The following GMDS variants were observed in gnomAD, a reference collection of about 807,000 sequenced individuals.
The protein encoded by GMDS is GDP-mannose 4,6-dehydratase.
In GMDS, 20 loss-of-function variants were observed where a neutral mutation model predicts 49.9. The observed-to-expected ratio is 0.40, with a 90% CI of 0.28 to 0.58. The LOEUF (loss-of-function observed/expected upper bound fraction) is 0.58. Among genes scored for constraint, GMDS ranks in the 20% least tolerant of loss-of-function variants. GMDS has a pLI of 0.42. For missense variants in GMDS, 362 were observed against 481.4 expected, an observed-to-expected ratio of 0.75 and a Z score of 2.32; for synonymous variants, 177 against 178.6, an observed-to-expected ratio of 0.99 and a Z score of 0.07.
chr6:1,884,028 T>C (rs942603126), intron 7 of GMDS, among the ~76,000 whole-genome samples: 2 of 152,198 alleles, frequency 1.3e-5, no homozygotes, highest in African/African-American at 2.4e-5. Flanking sequence ...CTAGTAAAGA[T>C]TTTGATTTAA....
At chr6:1,917,346 A>G (rs1428337506) in intron 7 of GMDS, among the ~76,000 whole-genome samples, 2 of 152,242 alleles carry the variant, frequency 1.3e-5, no homozygotes, top group Non-Finnish European at 2.9e-5. Flanking sequence ...ACTGCCTGAT[A>G]CCAAGAGAAG....
At chr6:2,225,637 G>GATGATC (rs1780781916) in intron 1 of GMDS, among the ~76,000 whole-genome samples, 1 of 152,174 alleles carries the variant, frequency 6.6e-6, no homozygotes, top group Non-Finnish European at 1.5e-5. Context: ...AACCAACACA[G>GATGATC]ATGATCAATA....
At chr6:1,850,280 C>T (rs1410363429) in intron 7 of GMDS, among the ~76,000 whole-genome samples, 2 of 152,214 alleles carry the variant, frequency 1.3e-5, no homozygotes, top group African/African-American at 4.8e-5. Flanking sequence ...GTCTATTACC[C>T]AGGTTCTGCT....
chr6:1,904,127 G>A lies in GMDS; in HGVS notation c.771+25976C>T, dbSNP rs188070640. 2.2e-4 allele frequency among the ~76,000 whole-genome samples: 33 copies of A among 152,250 alleles called. No individual in the cohort carries two copies. The East Asian group carries it at 5.2e-3, about 24-fold the overall frequency. On this transcript the variant is annotated intron_variant, in intron 7 of 10. Transcript: ENST00000380815. ...AGGCCCTCCAGACTTCCAGGGGCAC[G>A]GGACAAGCGGTTCAGAAGAGAATGG...
chr6:1,802,452 A>C (rs1048734433), intron 7 of GMDS, among the ~76,000 whole-genome samples: 2 of 152,268 alleles, frequency 1.3e-5, no homozygotes, highest in Admixed American at 6.5e-5. Context: ...TTTAGGTCTA[A>C]AAGATTTTCC....
At chr6:1,670,020 G>A (rs550862276) in intron 9 of GMDS, among the ~76,000 whole-genome samples, 2 of 152,098 alleles carry the variant, frequency 1.3e-5, no homozygotes, top group South Asian at 4.1e-4. Flanking sequence ...GGTCGGGAGG[G>A]GCTGGGTGGG....
intron 4 of GMDS, among the ~76,000 whole-genome samples, chr6:2,077,779 G>A (rs1772433147): frequency 6.6e-6 from 1 of 151,986 alleles, no homozygotes; most frequent in Non-Finnish European, 1.5e-5. Flanking sequence ...TTGGTATAAG[G>A]GTGATGCTGC....
At chr6:1,923,488 C>T (rs113131348) in intron 7 of GMDS, among the ~76,000 whole-genome samples, 1,661 of 152,314 alleles carry the variant, frequency 0.011, 30 homozygotes, top group African/African-American at 0.038. Flanking sequence ...AACACTCACA[C>T]GAAGATTGCT....
At position 1,682,442 on chromosome 6, in the gene GMDS, C is replaced by T. The variant is rs571032544; in HGVS notation, c.987+43974G>A. 6.6e-5 allele frequency among the ~76,000 whole-genome samples: 10 copies of T among 152,342 alleles called. 1 individual carries two copies. The highest frequency in any genetic ancestry group is 2.4e-4 in the African/African-American group (10 of 41,578). Reference sequence around the variant, plus strand: ...ACATGAAAGAGATTGAGGCTTGTGCCCTCTGGCCATGCTGGTGCCATTGCC... The same window carrying T: ...ACATGAAAGAGATTGAGGCTTGTGCTCTCTGGCCATGCTGGTGCCATTGCC... On this transcript the variant is annotated intron_variant, in intron 9 of 10. Transcript: ENST00000380815.
intron 4 of GMDS, among the ~76,000 whole-genome samples, chr6:2,114,350 T>G (rs1016395234): frequency 6.6e-6 from 1 of 152,130 alleles, no homozygotes; most frequent in East Asian, 1.9e-4. Context: ...GCCAGATGAC[T>G]TATAATGTGG....
At chr6:1,932,588 A>G (rs1762340481) in intron 6 of GMDS, among the ~76,000 whole-genome samples, 1 of 140,746 alleles carries the variant, frequency 7.1e-6, no homozygotes, top group East Asian at 2.1e-4. Context: ...CCCAGGCTGG[A>G]GTGCAGTGGC....
rs541764397 is a variant in GMDS at position 2,092,328 on chromosome 6, C to G, written c.345+23443G>C. On this transcript the variant is annotated intron_variant, in intron 4 of 10. Coordinates refer to ENST00000380815, the MANE Select transcript of GMDS (RefSeq NM_001500.4). ...CTACCTGGCAAAATATAACTTCAAT[C>G]ATTCTACTCACACATTGCCCTTTCT... Among the ~76,000 whole-genome samples the G allele has an allele frequency of 2.6e-5, 4 of 152,138 alleles. No individual in the cohort carries two copies. The East Asian group carries it at 7.7e-4, about 29-fold the overall frequency.
chr6:2,064,934 A>C (rs1210266021), intron 4 of GMDS, among the ~76,000 whole-genome samples: 1 of 152,218 alleles, frequency 6.6e-6, no homozygotes, highest in Non-Finnish European at 1.5e-5. Flanking sequence ...AAAAAAGTTA[A>C]GCAGCTTGCT....
At chr6:2,056,772 A>T (rs1459336525) in intron 4 of GMDS, among the ~76,000 whole-genome samples, 4 of 152,018 alleles carry the variant, frequency 2.6e-5, no homozygotes, top group Non-Finnish European at 4.4e-5. Context: ...TTTTAGAATA[A>T]TTTTTTTTCC....
At chr6:2,145,912 T>C (rs947373711) in intron 1 of GMDS, among the ~76,000 whole-genome samples, 12 of 152,080 alleles carry the variant, frequency 7.9e-5, no homozygotes, top group African/African-American at 2.7e-4. Context: ...TACCACACCA[T>C]CTCATATACG....
At chr6:2,030,445 A>G (rs968946171) in intron 4 of GMDS, among the ~76,000 whole-genome samples, 4 of 152,160 alleles carry the variant, frequency 2.6e-5, no homozygotes, top group Non-Finnish European at 5.9e-5. Flanking sequence ...ACAACTTCCA[A>G]TGTTGTCCCA....
At chr6:2,187,974 A>G (rs1778853050) in intron 1 of GMDS, among the ~76,000 whole-genome samples, 1 of 152,252 alleles carries the variant, frequency 6.6e-6, no homozygotes, top group South Asian at 2.1e-4. Context: ...AGAACAGTCA[A>G]GCCTTCAGCC....
intron 9 of GMDS, among the ~76,000 whole-genome samples, chr6:1,673,381 T>A (rs535139034): frequency 2.0e-4 from 30 of 151,788 alleles, no homozygotes; most frequent in Middle Eastern, 3.4e-3. Flanking sequence ...TTTTTTTTTT[T>A]AAATAGACTT....
chr6:1,704,897 T>C (rs1765679066), intron 9 of GMDS, among the ~76,000 whole-genome samples: 1 of 152,164 alleles, frequency 6.6e-6, no homozygotes, highest in East Asian at 1.9e-4. Context: ...AAGTACATAC[T>C]TGTTCTTCCT....
Sources: gnomAD v4.1 joint callset for allele counts (sites outside exome capture counted in the v4.1 genomes callset) on GRCh38, gnomAD v4.1.1 for gene constraint, MANE v1.5 for transcripts, NCBI Gene and HGNC (gene_info 2026-07-23, HGNC 2026-07-21) for gene names.